The following TMCO4 variants were observed in gnomAD, a reference collection of about 807,000 sequenced individuals.
The protein encoded by TMCO4 is transmembrane and coiled-coil domain-containing protein 4.
TMCO4 carries 58 observed loss-of-function variants against 64.7 expected under a neutral mutation model. The observed-to-expected ratio is 0.90, with a 90% CI of 0.73 to 1.12. The LOEUF (loss-of-function observed/expected upper bound fraction) is 1.12. Ranked by LOEUF, TMCO4 falls within the 50% of genes most tolerant of loss-of-function variation. The probability of loss-of-function intolerance (pLI) is 0.00; values close to 1 mark genes in which losing one functional copy is unlikely to be tolerated. For synonymous variants in TMCO4, 325 were observed against 346.1 expected (o/e 0.94, Z 0.68); for missense variants, 780 against 825.9 (o/e 0.94, Z 0.68).
chr1:19,711,576 C>T (rs1172699868), intron 13 of TMCO4, among the ~76,000 whole-genome samples: 1 of 152,274 alleles, frequency 6.6e-6, no homozygotes, highest in African/African-American at 2.4e-5. Flanking sequence ...GCAGCCTCGA[C>T]TTCCCAGGCT....
intron 7 of TMCO4, among the ~76,000 whole-genome samples, chr1:19,753,087 G>A (rs1327433095): frequency 2.6e-5 from 4 of 151,776 alleles, no homozygotes; most frequent in African/African-American, 4.8e-5. Flanking sequence ...AGCCTCCCAT[G>A]TAGCTGGGAT....
intron 7 of TMCO4, among the ~76,000 whole-genome samples, chr1:19,750,765 C>G (rs1008130637): frequency 6.6e-6 from 1 of 152,250 alleles, no homozygotes; most frequent in Non-Finnish European, 1.5e-5. Flanking sequence ...AGGACCTTCC[C>G]ACCTTCCTGT....
chr1:19,697,496 C>T (rs968095054), intron 14 of TMCO4, among the ~76,000 whole-genome samples: 17 of 151,110 alleles, frequency 1.1e-4, no homozygotes, highest in Admixed American at 2.0e-4. Context: ...TGCAGTGGCA[C>T]GATCTTGGCT....
intron 2 of TMCO4, among the ~76,000 whole-genome samples, chr1:19,796,030 G>T (rs925812628): frequency 1.3e-5 from 2 of 152,144 alleles, no homozygotes; most frequent in Non-Finnish European, 2.9e-5. Flanking sequence ...TGTTCTCTCC[G>T]TCTGGGTCCC....
chr1:19,716,129 C>T (rs1196448308), intron 13 of TMCO4, among the ~76,000 whole-genome samples: 1 of 151,758 alleles, frequency 6.6e-6, no homozygotes, highest in Non-Finnish European at 1.5e-5. Flanking sequence ...CCAGCCTGGG[C>T]AAAATAGTGA....
At chr1:19,735,867 G>T (rs1281919975) in intron 13 of TMCO4, among the ~76,000 whole-genome samples, 1 of 152,156 alleles carries the variant, frequency 6.6e-6, no homozygotes, top group Non-Finnish European at 1.5e-5. Context: ...AAGATGACAA[G>T]GAAAGAAGCA....
rs1369780366 is a variant in TMCO4 at position 19,747,133 on chromosome 1, A to T, written c.613+30T>A. The T allele has an allele frequency of 1.9e-6, 3 of 1,608,212 alleles. No individual in the cohort carries two copies. The East Asian group carries it at 6.7e-5, about 36-fold the overall frequency. On this transcript the variant is annotated intron_variant, in intron 8 of 15. Transcript: ENST00000294543. The stretch of plus-strand genomic sequence containing the variant: ...TCATTTCTCTGTCTACAAAACCCAG[A>T]CGTGTGCCACCATCTCTAGCTGGAC...
At chr1:19,695,061 C>T (rs2095226743) in intron 14 of TMCO4, among the ~76,000 whole-genome samples, 1 of 152,192 alleles carries the variant, frequency 6.6e-6, no homozygotes, top group Non-Finnish European at 1.5e-5. Context: ...AAGGGACCAG[C>T]TTGGCCTTCC....
intron 15 of TMCO4, among the ~76,000 whole-genome samples, chr1:19,692,364 G>A (rs1372804068): frequency 6.6e-6 from 1 of 152,102 alleles, no homozygotes; most frequent in Non-Finnish European, 1.5e-5. Context: ...CCATGTTTCA[G>A]CGGTGTGACC....
chr1:19,739,683 G>A (rs1169693050), intron 12 of TMCO4, 141 bp downstream of exon 12: 16 of 1,164,196 alleles, frequency 1.4e-5, no homozygotes, highest in Non-Finnish European at 1.6e-5. Flanking sequence ...GAACTGGAGA[G>A]GCAGCAAGGA....
chr1:19,745,043 G>GACGGGTGGGTGAATGGACAA, intron 10 of TMCO4, among the ~76,000 whole-genome samples: 1 of 152,076 alleles, frequency 6.6e-6, no homozygotes, highest in South Asian at 2.1e-4. Context: ...TGAATGGACA[G>GACGGGTGGGTGAATGGACAA]ACAGGTGGGT....
intron 7 of TMCO4, among the ~76,000 whole-genome samples, 188 bp from the exon 8 acceptor site, chr1:19,747,448 G>T (rs772969860): frequency 9.2e-5 from 14 of 152,118 alleles, no homozygotes; most frequent in South Asian, 2.1e-4. Flanking sequence ...CCCAGCCGGG[G>T]AATCTCAGTG....
intron 13 of TMCO4, among the ~76,000 whole-genome samples, chr1:19,704,687 T>C (rs942600826): frequency 1.3e-5 from 2 of 152,200 alleles, no homozygotes; most frequent in African/African-American, 4.8e-5. Flanking sequence ...TTTTCGAGCC[T>C]TGGTGCGGCT....
intron 7 of TMCO4, among the ~76,000 whole-genome samples, chr1:19,752,964 AT>A (rs34801580): frequency 6.5e-4 from 94 of 144,012 alleles, no homozygotes; most frequent in African/African-American, 1.3e-3. Context: ...TTTAATTGTA[AT>A]TTTTTTTTTT....
chr1:19,755,480 C>T lies in TMCO4; in HGVS notation c.515+154G>A, dbSNP rs531071097. 3.9e-5 allele frequency among the ~76,000 whole-genome samples: 6 copies of T among 152,316 alleles called. No individual in the cohort carries two copies. The South Asian group carries it at 1.2e-3, about 32-fold the overall frequency. ...GAGAGGGCAAGTAGCTTGCTAAGGC[C>T]ACACAGCGAGTCAGGGCTACAGCTG... is the stretch of plus-strand genomic sequence containing the variant. On this transcript the variant is annotated intron_variant, in intron 7 of 15. Transcript: ENST00000294543.
intron 3 of TMCO4, among the ~76,000 whole-genome samples, chr1:19,784,845 TAAAAAAAAA>T (rs34693780): frequency 1.0e-5 from 1 of 97,846 alleles, no homozygotes; most frequent in Non-Finnish European, 1.9e-5. Context: ...GCTGATGCAC[TAAAAAAAAA>T]AAAAAAAAAA....
intron 15 of TMCO4, among the ~76,000 whole-genome samples, chr1:19,690,449 C>T (rs914848759): frequency 6.6e-6 from 1 of 152,238 alleles, no homozygotes; most frequent in African/African-American, 2.4e-5. Context: ...CTGCCACTTT[C>T]CCCTCGAGGC....
chr1:19,709,647 G>A (rs1218815597), intron 13 of TMCO4, among the ~76,000 whole-genome samples: 1 of 152,016 alleles, frequency 6.6e-6, no homozygotes, highest in African/African-American at 2.4e-5. Flanking sequence ...AAACATCATG[G>A]GCAATAATGT....
chr1:19,712,136 C>T (rs1392358882), intron 13 of TMCO4, among the ~76,000 whole-genome samples: 1 of 152,140 alleles, frequency 6.6e-6, no homozygotes. Context: ...AATTTCAATA[C>T]TGTTGTGTCT....
Sources: allele counts gnomAD v4.1 joint callset (sites outside exome capture counted in the v4.1 genomes callset), GRCh38; gene constraint gnomAD v4.1.1; transcripts MANE v1.5; gene names NCBI Gene and HGNC (gene_info 2026-07-23, HGNC 2026-07-21).